The following PTPRM variants were observed in gnomAD, a reference collection of about 807,000 sequenced individuals.
PTPRM encodes protein tyrosine phosphatase receptor type M, also known as receptor-type tyrosine-protein phosphatase mu.
In PTPRM, 47 loss-of-function variants were observed where a neutral mutation model predicts 186.7. That is an observed-to-expected ratio of 0.25 (90% confidence interval 0.20 to 0.32). PTPRM has a LOEUF of 0.32. Ranked by LOEUF, PTPRM falls within the 10% of genes least tolerant of loss-of-function variation. The pLI, the probability that PTPRM is intolerant of heterozygous loss-of-function variation, is 1.00. For synonymous variants in PTPRM, 668 were observed against 674.9 expected (o/e 0.99, Z 0.16); for missense variants, 1,494 against 1,865.0 (o/e 0.80, Z 3.66).
chr18:8,387,292 ACCT>A, intron 31 of PTPRM, 57 bp downstream of exon 31: 1 of 1,503,860 alleles, frequency 6.6e-7, no homozygotes. Flanking sequence ...ACTCACTCTC[ACCT>A]CCTAGTTCTC....
In PTPRM at chr18:8,315,907, C is replaced by T. The variant is rs536690666; in HGVS notation, c.2919+1050C>T. On this transcript the variant is annotated intron_variant, in intron 21 of 32. Coordinates refer to ENST00000580170, the MANE Select transcript of PTPRM (RefSeq NM_001105244.2). ...TCATCTCTCATTCATCAAACGAAGA[C>T]CCCTGCACTATTTTGATAACAACCA... Among the ~76,000 whole-genome samples, 42 of 152,276 alleles carry T rather than the reference C, an allele frequency of 2.8e-4. 1 individual carries two copies. Among genetic ancestry groups the T allele is most frequent in the African/African-American group, 9.6e-4 (40 of 41,560 alleles).
chr18:8,056,635 A>T (rs1039106027), intron 7 of PTPRM, among the ~76,000 whole-genome samples: 2 of 152,180 alleles, frequency 1.3e-5, no homozygotes, highest in African/African-American at 4.8e-5. Context: ...AGAAAAAAAA[A>T]AAAAGATAAA....
chr18:8,377,706 C>T (rs1033357790), intron 26 of PTPRM: 1 of 152,114 alleles, frequency 6.6e-6, no homozygotes, highest in South Asian at 2.1e-4. Context: ...TAAGAAAAGT[C>T]AGTGCCAAAT....
At chr18:7,688,485 G>C (rs1280456105) in intron 1 of PTPRM, among the ~76,000 whole-genome samples, 1 of 152,204 alleles carries the variant, frequency 6.6e-6, no homozygotes, top group African/African-American at 2.4e-5. Flanking sequence ...CCAATTGTTG[G>C]AGGACTGAGG....
chr18:8,214,468 C>T (rs759732700), intron 14 of PTPRM, among the ~76,000 whole-genome samples: 143 of 152,066 alleles, frequency 9.4e-4, no homozygotes, highest in Non-Finnish European at 1.5e-3. Context: ...TAGTTATTAC[C>T]GATGATGGCA....
chr18:8,098,060 T>C (rs1183852960), intron 11 of PTPRM, among the ~76,000 whole-genome samples: 1 of 152,210 alleles, frequency 6.6e-6, no homozygotes, highest in Non-Finnish European at 1.5e-5. Context: ...CATATAGCTC[T>C]GTAGCCTAGC....
chr18:8,132,300 T>C (rs2092530710), intron 13 of PTPRM, among the ~76,000 whole-genome samples: 1 of 152,228 alleles, frequency 6.6e-6, no homozygotes, highest in Admixed American at 6.5e-5. Context: ...TAGATATTGG[T>C]ATATGTTTAT....
At chr18:7,838,867 G>T (rs1254095107) in intron 2 of PTPRM, among the ~76,000 whole-genome samples, 1 of 152,172 alleles carries the variant, frequency 6.6e-6, no homozygotes, top group Non-Finnish European at 1.5e-5. Context: ...GGCTGAGCTG[G>T]CACTCAAACC....
At chr18:7,636,627 C>T (rs969383857) in intron 1 of PTPRM, among the ~76,000 whole-genome samples, 2 of 152,084 alleles carry the variant, frequency 1.3e-5, no homozygotes, top group Admixed American at 1.3e-4. Context: ...ACATGGCTGT[C>T]AGTACAGGAC....
At chr18:8,284,549 TCTATTTTCAGTATTACCCTCTCCCTGC>T (rs1243010396) in intron 19 of PTPRM, among the ~76,000 whole-genome samples, 1 of 152,106 alleles carries the variant, frequency 6.6e-6, no homozygotes, top group Non-Finnish European at 1.5e-5. Flanking sequence ...ATGTAAAATG[TCTATTTTCAGTATTACCCTCTCCCTGC>T]CTCTACTAAA....
chr18:7,713,600 A>T (rs905916880), intron 1 of PTPRM, among the ~76,000 whole-genome samples: 8 of 151,944 alleles, frequency 5.3e-5, no homozygotes, highest in Non-Finnish European at 8.8e-5. Context: ...GTCAAGACCC[A>T]TCAGTGTGCT....
At chr18:7,990,907 A>G (rs1003407217) in intron 7 of PTPRM, among the ~76,000 whole-genome samples, 2 of 152,132 alleles carry the variant, frequency 1.3e-5, no homozygotes, top group Admixed American at 1.3e-4. Flanking sequence ...GGGTGTAGTA[A>G]TGGTTTCTTA....
chr18:8,320,950 C>T (rs1456864399), intron 22 of PTPRM, among the ~76,000 whole-genome samples: 2 of 152,162 alleles, frequency 1.3e-5, no homozygotes, highest in African/African-American at 2.4e-5. Context: ...AAGCAAGGCT[C>T]AGCTTGAGCT....
At chr18:7,908,355 A>G (rs1444751519) in intron 4 of PTPRM, among the ~76,000 whole-genome samples, 1 of 152,186 alleles carries the variant, frequency 6.6e-6, no homozygotes, top group Non-Finnish European at 1.5e-5. Context: ...TTTCCTGATG[A>G]CCCTATGCAA....
chr18:7,733,694 C>A (rs2040708594), intron 1 of PTPRM, among the ~76,000 whole-genome samples: 1 of 152,178 alleles, frequency 6.6e-6, no homozygotes, highest in African/African-American at 2.4e-5. Flanking sequence ...ATGCTCTCAG[C>A]AAACAGAGGG....
chr18:8,364,744 G>C (rs11662819), intron 23 of PTPRM, among the ~76,000 whole-genome samples: 36,635 of 152,106 alleles, frequency 0.24, 4,695 homozygotes, highest in Non-Finnish European at 0.28. Flanking sequence ...ATCAAAACTT[G>C]TAACTGCCTT....
At chr18:7,680,276 C>G (rs911801390) in intron 1 of PTPRM, among the ~76,000 whole-genome samples, 3 of 152,108 alleles carry the variant, frequency 2.0e-5, no homozygotes, top group Non-Finnish European at 4.4e-5. Context: ...GGCAAAGGAG[C>G]AGTGGTGCCA....
chr18:8,093,409 C>G (rs1356259161), intron 11 of PTPRM, among the ~76,000 whole-genome samples: 1 of 152,102 alleles, frequency 6.6e-6, no homozygotes, highest in African/African-American at 2.4e-5. Context: ...TAAGACCAGC[C>G]CTGGTCCTCC....
intron 14 of PTPRM, among the ~76,000 whole-genome samples, chr18:8,209,564 G>A (rs553165796): frequency 3.3e-5 from 5 of 152,238 alleles, no homozygotes; most frequent in African/African-American, 1.2e-4. Flanking sequence ...TCTGACATCT[G>A]TGATGGATTT....
Sources: allele counts gnomAD v4.1 joint callset (sites outside exome capture counted in the v4.1 genomes callset), GRCh38; gene constraint gnomAD v4.1.1; transcripts MANE v1.5; gene names NCBI Gene and HGNC (gene_info 2026-07-23, HGNC 2026-07-21).